SLC46A2: variants seen among roughly 807,000 people sequenced by gnomAD.
The protein encoded by SLC46A2 is thymic stromal co-transporter.
In SLC46A2, 25 loss-of-function variants were observed where a neutral mutation model predicts 33.1. That is an observed-to-expected ratio of 0.76 (90% confidence interval 0.55 to 1.06). The LOEUF (loss-of-function observed/expected upper bound fraction) is 1.06, where lower values mean the gene tolerates loss of function less well. Ranked by LOEUF, SLC46A2 falls within the 50% of genes least tolerant of loss-of-function variation. The pLI is 0.00. For missense variants in SLC46A2, 622 were observed against 621.7 expected (o/e 1.00, Z 0.00); for synonymous variants, 254 against 275.9 (o/e 0.92, Z 0.79).
chr9:112,881,595 AT>A (rs1226631920), intron 3 of SLC46A2: 1 of 152,248 alleles, frequency 6.6e-6, no homozygotes, highest in Admixed American at 6.5e-5. Flanking sequence ...GTGCTGACTT[AT>A]TAGTCAGCGT....
At position 112,889,991 on chromosome 9, in the gene SLC46A2, C is replaced by T. The variant is rs150413577; in HGVS notation, c.691G>A (p.Glu231Lys). Reference sequence around the variant, plus strand: ...TCCTGGCTGGGTTTGGCCACCGACTCAGGGACCTTTAGCACCAAAAGGCTG... The same window carrying T: ...TCCTGGCTGGGTTTGGCCACCGACTTAGGGACCTTTAGCACCAAAAGGCTG... ...LYSLLVLKVP[E>K]SVAKPSQELP... Residue 231 changes from glutamate (E) to lysine (K), a missense_variant, in exon 1 of 4, where the codon GAG (glutamate) becomes AAG (lysine). Coordinates refer to ENST00000374228, the MANE Select transcript of SLC46A2 (RefSeq NM_033051.4). 1.2e-6 allele frequency: 2 copies of T among 1,614,170 alleles called. No individual in the cohort carries two copies. The highest frequency in any genetic ancestry group is 4.5e-5 in the East Asian group (2 of 44,882).
Position 112,886,537 on chromosome 9 carries a change from C to A in SLC46A2, c.1293G>T (p.Gln431His), listed in dbSNP as rs1841644381. 6.2e-7 allele frequency: 1 copy of A among 1,614,030 alleles called. No homozygotes were observed. The highest frequency in any genetic ancestry group is 1.3e-5 in the African/African-American group (1 of 74,908). ...AGCCCACAAACATGTCCATGGTGAGCTGGTAGATCTTGTTGTACAAGGTGG... is the reference window on the plus strand; with the variant it reads ...AGCCCACAAACATGTCCATGGTGAGATGGTAGATCTTGTTGTACAAGGTGG... ...VTSTLYNKIY[Q>H]LTMDMFVGSC... The change falls in exon 3 of 4, where the codon CAG becomes CAT. Residue 431 changes from glutamine (Q) to histidine (H), a missense_variant. By Grantham distance (24) the Gln-to-His change is conservative. Transcript: ENST00000374228.
intron 3 of SLC46A2, chr9:112,885,535 C>T (rs778235835): frequency 1.2e-4 from 19 of 152,006 alleles, no homozygotes; most frequent in Non-Finnish European, 2.6e-4. Flanking sequence ...GCCTAACAGT[C>T]TAAAGAGAAC....
In SLC46A2 at chr9:112,886,447, GCTCCCATC is replaced by G. The variant is rs759367317; in HGVS notation, c.1370+5_1370+12del. 23 of 1,613,810 alleles carry G rather than the reference GCTCCCATC, an allele frequency of 1.4e-5. No individual in the cohort carries two copies. The highest frequency in any genetic ancestry group is 1.9e-5 in the Non-Finnish European group (23 of 1,179,762). ...GGTCCCAGCCCAAGCAGCAGATGCT[GCTCCCATC>G]CTACCTAATTGGAATGATGGCCAGG... On this transcript the variant is annotated splice_donor_5th_base_variant and intron_variant, in intron 3 of 3. Transcript: ENST00000374228.
In SLC46A2 at chr9:112,879,699, C is replaced by T; in HGVS notation, c.*63G>A. On this transcript the variant is annotated 3_prime_UTR_variant, in exon 4 of 4. Coordinates refer to ENST00000374228, the MANE Select transcript of SLC46A2 (RefSeq NM_033051.4). ...GCTTAGGTCACCAGTTCCCTGGTCC[C>T]TTCTTTTGTCTTCTGGGGGCCTGGC... 1 of 1,502,444 alleles carries T rather than the reference C, an allele frequency of 6.7e-7. No homozygotes were observed. The highest frequency in any genetic ancestry group is 9.2e-7 in the Non-Finnish European group (1 of 1,081,682). The allele number at this position is 1,502,444 out of a possible 1,614,324, so 93.1% of individuals were successfully genotyped here.
At position 112,890,632 on chromosome 9, in the gene SLC46A2, T is replaced by C; in HGVS notation, c.50A>G (p.His17Arg). 1 of 1,603,174 alleles carries C rather than the reference T, an allele frequency of 6.2e-7. No homozygotes were observed. The highest frequency in any genetic ancestry group is 1.1e-5 in the South Asian group (1 of 91,002). The change falls in exon 1 of 4, where the codon CAC becomes CGC. Residue 17 changes from histidine (H) to arginine (R), a missense_variant. Physicochemically the swap from His to Arg is conservative, Grantham distance 29 (BLOSUM62 0). Coordinates refer to ENST00000374228, the MANE Select transcript of SLC46A2 (RefSeq NM_033051.4). The surrounding 1 kb of genome is among the most constrained non-coding windows in gnomAD (Gnocchi z 6.0). ...CACGGGCTCAACCCAGGTCCTCGGG[T>C]GGAAGCGAGGCAGGTGGCCCCTCCG... ...CPRRGHLPRF[H>R]PRTWVEPVVA...
chr9:112,882,030 G>A (rs1190551501), intron 3 of SLC46A2, among the ~76,000 whole-genome samples: 1 of 152,186 alleles, frequency 6.6e-6, no homozygotes, highest in East Asian at 1.9e-4. Context: ...GCAGGAATAG[G>A]AGGTGAGAGA....
rs59654891 is a variant in SLC46A2, at chr9:112,887,946, T to TGAGA, written c.1130-537_1130-534dup. 3.8e-3 allele frequency among the ~76,000 whole-genome samples: 534 copies of TGAGA among 139,372 alleles called. 6 individuals are homozygous for TGAGA. The highest frequency in any genetic ancestry group is 6.0e-3 in the Admixed American group (83 of 13,888). 91.4% of individuals were successfully genotyped at this position (139,372 alleles called of 152,430 possible). A position where few individuals can be genotyped will look rare whatever the true frequency, so the allele number is the denominator to read the frequency against. ...GTGTGTGTGTGTGTGTGTGTGTGTG[T>TGAGA]GAGAGAGAGAGAGAGAGAGAACGCA... On this transcript the variant is annotated intron_variant, in intron 1 of 3. Coordinates refer to ENST00000374228, the MANE Select transcript of SLC46A2 (RefSeq NM_033051.4).
chr9:112,887,426 A>G lies in SLC46A2; in HGVS notation c.1130-13T>C, dbSNP rs1564305554. 1 of 1,596,814 alleles carries G rather than the reference A, an allele frequency of 6.3e-7. No homozygotes were observed. Among genetic ancestry groups the G allele is most frequent in the East Asian group, 2.3e-5 (1 of 44,118 alleles). On this transcript the variant is annotated splice_polypyrimidine_tract_variant and intron_variant, in intron 1 of 3. Transcript: ENST00000374228. Reference sequence around the variant, plus strand: ...ATGACGGCTCGAGCTGAAAGAGATCACACAAGAACACTCCTTGCTGTAGCC... The same window carrying G: ...ATGACGGCTCGAGCTGAAAGAGATCGCACAAGAACACTCCTTGCTGTAGCC...
Position 112,890,256 on chromosome 9 carries a change from C to T in SLC46A2, c.426G>A (p.Leu142=). 1.2e-6 allele frequency: 2 copies of T among 1,613,306 alleles called. No homozygotes were observed. The highest frequency in any genetic ancestry group is 1.7e-6 in the Non-Finnish European group (2 of 1,179,884). ...PVEVLYGAAA[L]NGLFGGFSAF... ...CGGAGAAGCCGCCGAATAGCCCGTT[C>T]AGCGCCGCCGCCCCGTACAGCACCT... Residue 142 remains leucine, a synonymous_variant, in exon 1 of 4, where the codon CTG becomes CTA. Transcript: ENST00000374228. This position sits in a 1 kb window ranked among gnomAD's most constrained non-coding sequence, Gnocchi z 6.0.
At chr9:112,888,277 CAAAAA>C (rs1268171744) in intron 1 of SLC46A2, among the ~76,000 whole-genome samples, 1 of 151,070 alleles carries the variant, frequency 6.6e-6, no homozygotes, top group Non-Finnish European at 1.5e-5. Flanking sequence ...AACTCCATCT[CAAAAA>C]CAAAACAAAA....
At position 112,890,025 on chromosome 9, in the gene SLC46A2, G is replaced by A. The variant is rs1055644034; in HGVS notation, c.657C>T (p.Ala219=). The A allele has an allele frequency of 1.9e-6, 3 of 1,613,962 alleles. No individual in the cohort carries two copies. Among genetic ancestry groups the A allele is most frequent in the Non-Finnish European group, 2.5e-6 (3 of 1,180,034 alleles). Residue 219 remains alanine (A), a synonymous_variant, in exon 1 of 4, where the codon GCC becomes GCT. Coordinates refer to ENST00000374228, the MANE Select transcript of SLC46A2 (RefSeq NM_033051.4). This position sits in a 1 kb window ranked among gnomAD's most constrained non-coding sequence, Gnocchi z 6.0. ...TTAGCACCAAAAGGCTGTAGAGCAG[G>A]GCAAACGAGGCACAGCTCACGCTGC... The part of the protein sequence containing the change: ...TACSVSCASF[A]LLYSLLVLKV...
At chr9:112,887,968 C>T (rs946021590) in intron 1 of SLC46A2, among the ~76,000 whole-genome samples, 9 of 141,752 alleles carry the variant, frequency 6.3e-5, no homozygotes, top group Admixed American at 4.3e-4. Context: ...AGAGAGAGAA[C>T]GCACAAGAGA....
intron 3 of SLC46A2, among the ~76,000 whole-genome samples, chr9:112,884,300 C>G (rs1241105797): frequency 2.0e-5 from 3 of 152,240 alleles, no homozygotes; most frequent in Non-Finnish European, 4.4e-5. Context: ...CTCCCCTGCT[C>G]TGGCATGCCT....
Position 112,879,613 on chromosome 9 carries a change from C to G in SLC46A2, c.*149G>C. ...TCCCCATCCACCAGGGATCCCTGAG[C>G]CAGAGCAGGTCATTCTGAGGCCAAC... On this transcript the variant is annotated 3_prime_UTR_variant, in exon 4 of 4. Transcript: ENST00000374228. The G allele has an allele frequency of 1.5e-6, 1 of 656,964 alleles. No homozygotes were observed. Among genetic ancestry groups the G allele is most frequent in the East Asian group, 2.6e-5 (1 of 37,850 alleles). 40.7% of individuals were successfully genotyped at this position (656,964 alleles called of 1,614,324 possible). A position where few individuals can be genotyped will look rare whatever the true frequency, so the allele number is the denominator to read the frequency against.
In SLC46A2 at chr9:112,890,727, A is replaced by G. The variant is rs753248889; in HGVS notation, c.-46T>C. On this transcript the variant is annotated 5_prime_UTR_variant, in exon 1 of 4. Coordinates refer to ENST00000374228, the MANE Select transcript of SLC46A2 (RefSeq NM_033051.4). This position sits in a 1 kb window ranked among gnomAD's most constrained non-coding sequence, Gnocchi z 6.0. Reference sequence around the variant, plus strand: ...CGAAGGGCTTTCTGGCTGCAGTGACAAGGATATGCTCCCAAATTCGGCTGC... The same window carrying G: ...CGAAGGGCTTTCTGGCTGCAGTGACGAGGATATGCTCCCAAATTCGGCTGC... The G allele has an allele frequency of 1.3e-6, 2 of 1,553,954 alleles. No homozygotes were observed. Among genetic ancestry groups the G allele is most frequent in the South Asian group, 1.2e-5 (1 of 83,986 alleles).
intron 1 of SLC46A2, among the ~76,000 whole-genome samples, chr9:112,889,181 G>T (rs554569627): frequency 1.3e-5 from 2 of 152,048 alleles, no homozygotes; most frequent in East Asian, 1.9e-4. Flanking sequence ...GAGCCTCTGC[G>T]CTCGGCCTTT....
intron 3 of SLC46A2, among the ~76,000 whole-genome samples, chr9:112,884,358 G>A (rs1588149372): frequency 6.6e-6 from 1 of 152,326 alleles, no homozygotes; most frequent in South Asian, 2.1e-4. Context: ...CCTGTGGTTC[G>A]AAAGCTTTAC....
intron 3 of SLC46A2, among the ~76,000 whole-genome samples, chr9:112,886,217 A>G (rs552706032): frequency 1.3e-5 from 2 of 152,348 alleles, no homozygotes; most frequent in African/African-American, 2.4e-5. Context: ...TAAAACTGCC[A>G]AAGAGTGAGC....
Sources: gnomAD v4.1 joint callset for allele counts (sites outside exome capture counted in the v4.1 genomes callset) on GRCh38, gnomAD v4.1.1 for gene constraint, Gnocchi (gnomAD v3.1) non-coding constraint, MANE v1.5 for transcripts, NCBI Gene and HGNC (gene_info 2026-07-23, HGNC 2026-07-21) for gene names.